Variants in PCDHA3 observed in about 807,000 individuals in gnomAD.
PCDHA3 encodes the protein protocadherin alpha 3.
Under a neutral mutation model 62.2 loss-of-function variants are expected in PCDHA3, and 41 were observed. That is an observed-to-expected ratio of 0.66 (90% CI 0.51 to 0.86). PCDHA3 has a LOEUF of 0.86. Ranked by LOEUF, PCDHA3 falls within the 40% of genes least tolerant of loss-of-function variation. PCDHA3 has a pLI of 0.00. For synonymous variants in PCDHA3, 640 were observed against 555.4 expected, an observed-to-expected ratio of 1.15 and a Z score of -2.14; for missense variants, 1,304 against 1,241.2, an observed-to-expected ratio of 1.05 and a Z score of -0.76.
At chr5:141,002,085 A>G (rs959603404) in intron 3 of PCDHA3, among the ~76,000 whole-genome samples, 1 of 152,244 alleles carries the variant, frequency 6.6e-6, no homozygotes, top group African/African-American at 2.4e-5. Context: ...AAGAACGAGC[A>G]GTCCAGGGGC....
chr5:140,826,024 G>C (rs1338983060), intron 1 of PCDHA3, among the ~76,000 whole-genome samples: 1 of 152,162 alleles, frequency 6.6e-6, no homozygotes, highest in Non-Finnish European at 1.5e-5. Context: ...GATAAAATGT[G>C]AATTCCCTAT....
rs555838945 is a variant in PCDHA3, at chr5:140,927,094, G to A, written c.2395-51855G>A. On this transcript the variant is annotated intron_variant, in intron 1 of 3. Coordinates refer to ENST00000522353, the MANE Select transcript of PCDHA3 (RefSeq NM_018906.3). ...CAGCCACCGCGAGCTCTACTTCGGG[G>A]TGGATCTACCCAGCGGCAATTTGGT... 5 of 1,612,890 alleles carry A rather than the reference G, an allele frequency of 3.1e-6. No homozygotes were observed. In the Admixed American group the frequency reaches 8.3e-5, roughly 27 times the overall value.
chr5:140,808,870 C>A, intron 1 of PCDHA3: 1 of 1,613,180 alleles, frequency 6.2e-7, no homozygotes, highest in Non-Finnish European at 8.5e-7. Flanking sequence ...AAAACGACAA[C>A]GCGCCAGCAC....
At chr5:140,848,181 G>A (rs1434722378) in intron 1 of PCDHA3, 4 of 268,526 alleles carry the variant, frequency 1.5e-5, no homozygotes, top group Admixed American at 1.5e-4. Context: ...CAAGAGAAAC[G>A]GGATCTTCTG....
chr5:140,834,554 G>C, intron 1 of PCDHA3: 2 of 1,614,092 alleles, frequency 1.2e-6, no homozygotes, highest in South Asian at 2.2e-5. Flanking sequence ...TGGAGCTGGC[G>C]GAGCTGGTGC....
intron 1 of PCDHA3, chr5:140,882,420 A>G: frequency 1.2e-6 from 2 of 1,614,046 alleles, no homozygotes; most frequent in Non-Finnish European, 1.7e-6. Flanking sequence ...ATCGCTCAGG[A>G]CCTGGGGCTG....
At chr5:140,974,815 A>G (rs990559310) in intron 1 of PCDHA3, among the ~76,000 whole-genome samples, 3 of 152,188 alleles carry the variant, frequency 2.0e-5, no homozygotes, top group Non-Finnish European at 4.4e-5. Context: ...GAAGACCAAT[A>G]TGCAACATAA....
At chr5:140,932,415 T>C (rs1183410119) in intron 1 of PCDHA3, among the ~76,000 whole-genome samples, 2 of 151,922 alleles carry the variant, frequency 1.3e-5, no homozygotes, top group African/African-American at 4.8e-5. Context: ...GTTATATTAG[T>C]GTATTGTTCA....
intron 1 of PCDHA3, chr5:140,810,927 C>T (rs1764757757): frequency 6.6e-6 from 1 of 152,084 alleles, no homozygotes; most frequent in Non-Finnish European, 1.5e-5. Context: ...TCATTGTTTA[C>T]ATTACATCTA....
intron 1 of PCDHA3, among the ~76,000 whole-genome samples, chr5:140,971,134 G>A (rs1387380195): frequency 6.6e-6 from 1 of 152,170 alleles, no homozygotes; most frequent in African/African-American, 2.4e-5. Context: ...GTGGTGAAGA[G>A]GCATGAACAA....
intron 3 of PCDHA3, among the ~76,000 whole-genome samples, chr5:141,002,059 G>T (rs983772482): frequency 6.6e-6 from 1 of 152,242 alleles, no homozygotes; most frequent in East Asian, 1.9e-4. Flanking sequence ...AGAGGCAGCA[G>T]CAGCCGCCAG....
intron 3 of PCDHA3, among the ~76,000 whole-genome samples, chr5:141,000,391 C>CTA (rs2097912428): frequency 7.9e-4 from 45 of 56,656 alleles, no homozygotes; most frequent in East Asian, 1.2e-3. Flanking sequence ...CTCTCTCTCT[C>CTA]TCTCTATATA....
intron 3 of PCDHA3, among the ~76,000 whole-genome samples, chr5:140,982,814 A>G (rs1166333981): frequency 6.6e-6 from 1 of 151,580 alleles, no homozygotes; most frequent in Non-Finnish European, 1.5e-5. Context: ...TGTGTGTATG[A>G]AGTTTTTGGG....
intron 1 of PCDHA3, chr5:140,834,770 C>A (rs2150226024): frequency 6.8e-6 from 11 of 1,613,922 alleles, no homozygotes; most frequent in Middle Eastern, 3.3e-4. Context: ...TTAACGACAA[C>A]CCTCCGGTGT....
In PCDHA3 at chr5:140,852,849, T is replaced by G. The variant is rs1421796229; in HGVS notation, c.2394+49258T>G. Reference sequence around the variant, plus strand: ...CAGTCTCCTTAGAGCTAGTACTTACTAAGCATTTACTATGTCATCAATAAT... The same window carrying G: ...CAGTCTCCTTAGAGCTAGTACTTACGAAGCATTTACTATGTCATCAATAAT... On this transcript the variant is annotated intron_variant, in intron 1 of 3. Transcript: ENST00000522353. 3.1e-6 allele frequency: 3 copies of G among 967,454 alleles called. 1 individual carries two copies. Among genetic ancestry groups the G allele is most frequent in the East Asian group, 1.1e-4 (1 of 8,764 alleles). 59.9% of individuals were successfully genotyped at this position (967,454 alleles called of 1,614,324 possible).
At chr5:140,855,534 G>C (rs2043511154) in intron 1 of PCDHA3, among the ~76,000 whole-genome samples, 1 of 149,850 alleles carries the variant, frequency 6.7e-6, no homozygotes, top group Non-Finnish European at 1.5e-5. Context: ...AGAGAAGTAA[G>C]TTAAGTGTCA....
chr5:140,968,159 A>T, intron 1 of PCDHA3: 6 of 1,614,136 alleles, frequency 3.7e-6, no homozygotes, highest in Non-Finnish European at 4.2e-6. Flanking sequence ...CATCAATGAC[A>T]ATCCACCAAG....
chr5:140,805,557 G>A (rs1238555636), intron 1 of PCDHA3: 5 of 976,838 alleles, frequency 5.1e-6, no homozygotes, highest in African/African-American at 1.8e-5. Context: ...GATATAGGAG[G>A]CAAGGAAAGT....
chr5:140,916,910 A>G (rs898370877), intron 1 of PCDHA3, among the ~76,000 whole-genome samples: 3 of 152,194 alleles, frequency 2.0e-5, no homozygotes, highest in African/African-American at 7.2e-5. Context: ...AAGTTTACCT[A>G]GAACCTCAGA....
Sources: gnomAD v4.1 joint callset for allele counts (sites outside exome capture counted in the v4.1 genomes callset) on GRCh38, gnomAD v4.1.1 for gene constraint, MANE v1.5 for transcripts, NCBI Gene and HGNC (gene_info 2026-07-23, HGNC 2026-07-21) for gene names.